Variants in SEMA3E observed in about 807,000 individuals in gnomAD.
SEMA3E encodes the protein semaphorin 3E.
SEMA3E carries 49 observed loss-of-function variants against 93.6 expected under a neutral mutation model. The observed-to-expected ratio is 0.52, with a 90% confidence interval of 0.42 to 0.66. The LOEUF (loss-of-function observed/expected upper bound fraction) is 0.66, where lower values mean the gene tolerates loss of function less well. Ranked by LOEUF, SEMA3E falls within the 30% of genes least tolerant of loss-of-function variation. The pLI, the probability that SEMA3E is intolerant of heterozygous loss-of-function variation, is 0.00. For synonymous variants in SEMA3E, 363 were observed against 330.7 expected, an observed-to-expected ratio of 1.10 and a Z score of -1.06; for missense variants, 906 against 964.8, an observed-to-expected ratio of 0.94 and a Z score of 0.81.
chr7:83,547,984 A>C (rs1791685119), intron 1 of SEMA3E, among the ~76,000 whole-genome samples: 1 of 152,098 alleles, frequency 6.6e-6, no homozygotes, highest in African/African-American at 2.4e-5. Context: ...AGAGGGGTGA[A>C]CTTGGCTACC....
chr7:83,584,667 A>C (rs2115922708), intron 1 of SEMA3E, among the ~76,000 whole-genome samples: 1 of 152,274 alleles, frequency 6.6e-6, no homozygotes, highest in East Asian at 1.9e-4. Flanking sequence ...GTCACTCCCC[A>C]GAGTAGCTAC....
intron 1 of SEMA3E, among the ~76,000 whole-genome samples, chr7:83,604,311 A>G (rs1355884379): frequency 1.3e-5 from 2 of 151,884 alleles, no homozygotes; most frequent in Admixed American, 1.3e-4. Context: ...TATGCTCTGA[A>G]TCAAGTTGTC....
intron 1 of SEMA3E, among the ~76,000 whole-genome samples, chr7:83,600,670 G>A (rs922978693): frequency 5.9e-5 from 9 of 151,442 alleles, no homozygotes; most frequent in Admixed American, 2.6e-4. Context: ...TTATAAGCAC[G>A]GCAGAATCTC....
At chr7:83,525,838 AT>A (rs1210128568) in intron 1 of SEMA3E, among the ~76,000 whole-genome samples, 3 of 131,120 alleles carry the variant, frequency 2.3e-5, no homozygotes, top group African/African-American at 8.9e-5. Context: ...TTCCTTAGCT[AT>A]CCAGTGATCT....
intron 16 of SEMA3E, among the ~76,000 whole-genome samples, chr7:83,374,383 T>C (rs761924798): frequency 1.4e-4 from 22 of 152,010 alleles, no homozygotes; most frequent in Admixed American, 6.6e-5. Flanking sequence ...GGCACAGATA[T>C]CCTGAGAGCA....
intron 2 of SEMA3E, among the ~76,000 whole-genome samples, chr7:83,479,047 G>C (rs551048166): frequency 1.3e-5 from 2 of 152,132 alleles, no homozygotes; most frequent in Non-Finnish European, 2.9e-5. Context: ...AGAAGATTCC[G>C]TTTCAACAGC....
chr7:83,498,069 A>G (rs1206679248), intron 1 of SEMA3E, among the ~76,000 whole-genome samples: 1 of 130,868 alleles, frequency 7.6e-6, no homozygotes, highest in Non-Finnish European at 1.8e-5. Context: ...AATAAATAGT[A>G]AATATATTTT....
Position 83,648,915 on chromosome 7 carries a change from A to C in SEMA3E, c.-373T>G, listed in dbSNP as rs1584386539. On this transcript the variant is annotated 5_prime_UTR_variant, in exon 1 of 17. Coordinates refer to ENST00000643230, the MANE Select transcript of SEMA3E (RefSeq NM_012431.3). ...AAAAAAAAAGAGAGAAAAAAACAAA[A>C]CCGAGCACACGCACTCCCTTCTCCC... 1 of 220,678 alleles carries C rather than the reference A, an allele frequency of 4.5e-6. No homozygotes were observed. The highest frequency in any genetic ancestry group is 9.1e-6 in the Non-Finnish European group (1 of 110,120). The allele number at this position is 220,678 out of a possible 1,614,324, so 13.7% of individuals were successfully genotyped here. A position where few individuals can be genotyped will look rare whatever the true frequency, so the allele number is the denominator to read the frequency against.
intron 5 of SEMA3E, among the ~76,000 whole-genome samples, chr7:83,409,638 T>G (rs1276243573): frequency 6.6e-6 from 1 of 152,062 alleles, no homozygotes; most frequent in African/African-American, 2.4e-5. Flanking sequence ...TTAATTGTAT[T>G]TCCAACTTAA....
chr7:83,535,472 CA>C (rs1791394106), intron 1 of SEMA3E, among the ~76,000 whole-genome samples: 1 of 151,676 alleles, frequency 6.6e-6, no homozygotes, highest in South Asian at 2.1e-4. Context: ...TACAATCTAT[CA>C]AATATGTTTT....
At chr7:83,381,748 T>A (rs1787783042) in intron 16 of SEMA3E, among the ~76,000 whole-genome samples, 1 of 152,024 alleles carries the variant, frequency 6.6e-6, no homozygotes, top group African/African-American at 2.4e-5. Flanking sequence ...GTATTTTATA[T>A]CTACATAGGC....
At chr7:83,439,354 T>G (rs1281428417) in intron 4 of SEMA3E, among the ~76,000 whole-genome samples, 1 of 152,204 alleles carries the variant, frequency 6.6e-6, no homozygotes, top group East Asian at 1.9e-4. Context: ...AGCCGATTTG[T>G]TATTCAGCCC....
Position 83,367,760 on chromosome 7 carries a change from A to G in SEMA3E, c.2154T>C (p.Gly718=). ...CTTCCACTCTCTGGAAGTTGCTATAACCGATCAGCTGCAAGAATTCCTTGT... is the reference window on the plus strand; with the variant it reads ...CTTCCACTCTCTGGAAGTTGCTATAGCCGATCAGCTGCAAGAATTCCTTGT... ...PWYKEFLQLI[G]YSNFQRVEEY... The change falls in exon 17 of 17, where the codon GGT becomes GGC. Residue 718 remains glycine (G), a synonymous_variant. Coordinates refer to ENST00000643230, the MANE Select transcript of SEMA3E (RefSeq NM_012431.3). 1.2e-6 allele frequency: 2 copies of G among 1,614,052 alleles called. No individual in the cohort carries two copies. Among genetic ancestry groups the G allele is most frequent in the Non-Finnish European group, 1.7e-6 (2 of 1,180,006 alleles).
intron 16 of SEMA3E, among the ~76,000 whole-genome samples, chr7:83,370,771 C>A (rs1466373078): frequency 6.6e-6 from 1 of 152,112 alleles, no homozygotes; most frequent in African/African-American, 2.4e-5. Flanking sequence ...CTTGAGCATG[C>A]AACATTACAT....
At position 83,400,225 on chromosome 7, in the gene SEMA3E, C is replaced by T. The variant is rs758200604; in HGVS notation, c.1169G>A (p.Arg390Lys). The stretch of plus-strand genomic sequence containing the variant: ...AGGATAGTCCTTGGTGGTTCCGTAT[C>T]TCCCTCCATTTACTTTGCTGGCACA... Reference protein sequence around the residue: ...GSCASKVNGGRYGTTKDYPDD... With the variant: ...GSCASKVNGGKYGTTKDYPDD... The change falls in exon 11 of 17, where the codon AGA (arginine) becomes AAA (lysine). Residue 390 changes from arginine (R) to lysine (K), a missense_variant. By Grantham distance (26) the Arg-to-Lys change is conservative. Coordinates refer to ENST00000643230, the MANE Select transcript of SEMA3E (RefSeq NM_012431.3). 6.2e-7 allele frequency: 1 copy of T among 1,613,930 alleles called. No homozygotes were observed. The highest frequency in any genetic ancestry group is 2.2e-5 in the East Asian group (1 of 44,844).
At chr7:83,395,329 T>C (rs1024499659) in intron 12 of SEMA3E, among the ~76,000 whole-genome samples, 2 of 152,178 alleles carry the variant, frequency 1.3e-5, no homozygotes, top group Non-Finnish European at 2.9e-5. Flanking sequence ...TGTGTTCTAG[T>C]ACAGCAAAGG....
chr7:83,463,487 T>TA (rs1361436120), intron 4 of SEMA3E, among the ~76,000 whole-genome samples: 1 of 152,178 alleles, frequency 6.6e-6, no homozygotes, highest in African/African-American at 2.4e-5. Context: ...CTCCCACAAT[T>TA]ACCGTTGTTG....
At chr7:83,628,374 G>C (rs1793717173) in intron 1 of SEMA3E, among the ~76,000 whole-genome samples, 1 of 152,096 alleles carries the variant, frequency 6.6e-6, no homozygotes, top group South Asian at 2.1e-4. Context: ...ATAATATCCT[G>C]ATGTGTGTTT....
chr7:83,443,626 ACAGT>A (rs1327522542), intron 4 of SEMA3E, among the ~76,000 whole-genome samples: 10 of 152,162 alleles, frequency 6.6e-5, no homozygotes, highest in Admixed American at 1.3e-4. Context: ...AGAAGAGGAA[ACAGT>A]CAAAGAGTAA....
Sources: gnomAD v4.1 joint callset for allele counts (sites outside exome capture counted in the v4.1 genomes callset) on GRCh38, gnomAD v4.1.1 for gene constraint, MANE v1.5 for transcripts, NCBI Gene and HGNC (gene_info 2026-07-23, HGNC 2026-07-21) for gene names.